Variants in JAK2 observed in about 807,000 individuals in gnomAD.
JAK2 encodes the protein Janus kinase 2, also known as tyrosine-protein kinase JAK2.
Under a neutral mutation model 139.3 loss-of-function variants are expected in JAK2, and 86 were observed. That is an observed-to-expected ratio of 0.62 (90% confidence interval 0.52 to 0.74). JAK2 has a LOEUF of 0.74. Among genes scored for constraint, JAK2 ranks in the 30% least tolerant of loss-of-function variants. The probability of loss-of-function intolerance (pLI) is 0.00; values close to 1 mark genes in which losing one functional copy is unlikely to be tolerated. For synonymous variants in JAK2, 490 were observed against 437.7 expected, an observed-to-expected ratio of 1.12 and a Z score of -1.49; for missense variants, 1,421 against 1,360.3, an observed-to-expected ratio of 1.04 and a Z score of -0.70.
At chr9:5,021,733 C>T (rs572733836) in intron 2 of JAK2, among the ~76,000 whole-genome samples, 66 of 152,290 alleles carry the variant, frequency 4.3e-4, no homozygotes, top group Non-Finnish European at 8.5e-4. Context: ...TCAAGCAATT[C>T]TTCCGCTCCA....
chr9:5,126,740 T>G lies in JAK2; in HGVS notation c.3348T>G (p.Phe1116Leu). The G allele has an allele frequency of 1.9e-6, 3 of 1,611,164 alleles. No individual in the cohort carries two copies. Among genetic ancestry groups the G allele is most frequent in the Non-Finnish European group, 2.5e-6 (3 of 1,177,808 alleles). The change falls in exon 25 of 25, where the codon TTT becomes TTG. Residue 1116 changes from phenylalanine (F) to leucine (L), a missense_variant. Coordinates refer to ENST00000381652, the MANE Select transcript of JAK2 (RefSeq NM_004972.4). ...WNNNVNQRPS[F>L]RDLALRVDQI... ...ATAATGTAAATCAACGCCCCTCCTT[T>G]AGGGATCTAGCTCTTCGAGTGGATC...
chr9:5,114,771 A>C, intron 22 of JAK2: 1 of 325,892 alleles, frequency 3.1e-6, no homozygotes, highest in South Asian at 2.7e-5. Context: ...TGGCTCACAG[A>C]CCGTCAAGTA....
chr9:5,041,343 C>T (rs1816492926), intron 4 of JAK2: 1 of 657,242 alleles, frequency 1.5e-6, no homozygotes, highest in African/African-American at 1.8e-5. Context: ...TTGACAGGTA[C>T]GGCGTGCTAC....
intron 19 of JAK2, chr9:5,086,239 G>A (rs1009522143): frequency 6.9e-6 from 4 of 582,796 alleles, no homozygotes; most frequent in African/African-American, 4.0e-5. Flanking sequence ...TCTGAAAGTC[G>A]CGGTAGGATG....
rs546639720 is a variant in JAK2 at position 5,027,109 on chromosome 9, C to T, written c.227-2674C>T. On this transcript the variant is annotated intron_variant, in intron 3 of 24. Transcript: ENST00000381652. The stretch of plus-strand genomic sequence containing the variant: ...GTTCAGGGAAACTTGAAAATTTGAA[C>T]CAACCTTTCTATAGAGGACAACTGA... Among the ~76,000 whole-genome samples the T allele has an allele frequency of 1.5e-3, 222 of 152,250 alleles. 2 individuals carry two copies. Among genetic ancestry groups the T allele is most frequent in the South Asian group, 3.9e-3 (19 of 4,822 alleles).
intron 2 of JAK2, among the ~76,000 whole-genome samples, chr9:5,014,513 C>G: frequency 6.6e-6 from 1 of 152,114 alleles, no homozygotes; most frequent in East Asian, 1.9e-4. Flanking sequence ...AAATCATAAT[C>G]TAATCTATGG....
At position 5,069,146 on chromosome 9, in the gene JAK2, A is replaced by C. The variant is rs750433642; in HGVS notation, c.1451A>C (p.Glu484Ala). ...LKDLLNCYQM[E>A]TVRSDNIIFQ... ...GATCTTTTGAATTGTTACCAGATGG[A>C]AACTGTTCGCTCAGACAATATAATT... Residue 484 changes from glutamate to alanine, a missense_variant, in exon 11 of 25, where the codon GAA (glutamate) becomes GCA (alanine). Coordinates refer to ENST00000381652, the MANE Select transcript of JAK2 (RefSeq NM_004972.4). 6.2e-7 allele frequency: 1 copy of C among 1,613,338 alleles called. No homozygotes were observed. The highest frequency in any genetic ancestry group is 8.5e-7 in the Non-Finnish European group (1 of 1,179,524).
chr9:5,090,019 C>T (rs1563993933), intron 20 of JAK2, among the ~76,000 whole-genome samples, 156 bp downstream of exon 20: 1 of 152,186 alleles, frequency 6.6e-6, no homozygotes, highest in East Asian at 1.9e-4. Context: ...TGATCATAGA[C>T]TATAACTATA....
chr9:5,067,947 A>G (rs1221414133), intron 10 of JAK2, among the ~76,000 whole-genome samples: 1 of 152,122 alleles, frequency 6.6e-6, no homozygotes, highest in African/African-American at 2.4e-5. Context: ...AGGTCAAGAG[A>G]TTGAGACCAT....
chr9:5,081,982 G>C, intron 19 of JAK2, 121 bp downstream of exon 19: 1 of 813,830 alleles, frequency 1.2e-6, no homozygotes, highest in Non-Finnish European at 2.0e-6. Context: ...AAAAAGGTTT[G>C]GTTGTCAGAT....
At chr9:5,051,248 A>C (rs1483389013) in intron 6 of JAK2, among the ~76,000 whole-genome samples, 1 of 152,220 alleles carries the variant, frequency 6.6e-6, no homozygotes, top group Non-Finnish European at 1.5e-5. Context: ...AGGAAATATC[A>C]TAGGTATTAA....
intron 2 of JAK2, among the ~76,000 whole-genome samples, chr9:4,992,212 T>G (rs1053915391): frequency 2.0e-5 from 3 of 152,214 alleles, no homozygotes; most frequent in Non-Finnish European, 2.9e-5. Flanking sequence ...AGCTGGGCTG[T>G]TAACTGGAGC....
chr9:5,029,723 G>T, intron 3 of JAK2, 60 bp from the exon 4 acceptor site: 1 of 1,407,628 alleles, frequency 7.1e-7, no homozygotes, highest in South Asian at 1.4e-5. Flanking sequence ...AATTATAGGT[G>T]CTATGTAAAA....
intron 2 of JAK2, among the ~76,000 whole-genome samples, chr9:4,996,928 C>CTTTTTTTTTTTTTTTTTT (rs1166992356): frequency 5.3e-5 from 5 of 94,660 alleles, no homozygotes; most frequent in Admixed American, 1.1e-4. Flanking sequence ...TTAGTTTGTT[C>CTTTTTTTTTTTTTTTTTT]TTTTTTTTTT....
chr9:5,055,687 G>T lies in JAK2; in HGVS notation c.955G>T (p.Asp319Tyr). The T allele has an allele frequency of 6.3e-7, 1 of 1,578,326 alleles. No homozygotes were observed. Among genetic ancestry groups the T allele is most frequent in the South Asian group, 1.1e-5 (1 of 89,164 alleles). The change falls in exon 8 of 25, where the codon GAT becomes TAT. Residue 319 changes from aspartate to tyrosine, a missense_variant. Asp to Tyr is a radical substitution (Grantham distance 160). Coordinates refer to ENST00000381652, the MANE Select transcript of JAK2 (RefSeq NM_004972.4). ...ATTATAGGATTTACAGTTATATTGCGATTTTCCTAATATTATTGATGTCAG... is the reference window on the plus strand; with the variant it reads ...ATTATAGGATTTACAGTTATATTGCTATTTTCCTAATATTATTGATGTCAG... Reference protein sequence around the residue: ...LTEQDLQLYCDFPNIIDVSIK... With the variant: ...LTEQDLQLYCYFPNIIDVSIK...
At chr9:5,063,449 G>A (rs1818331692) in intron 8 of JAK2, among the ~76,000 whole-genome samples, 1 of 152,098 alleles carries the variant, frequency 6.6e-6, no homozygotes. Context: ...TTTGTCAGCT[G>A]TAATTTTTGG....
At chr9:5,000,659 G>A (rs1470306557) in intron 2 of JAK2, among the ~76,000 whole-genome samples, 1 of 151,898 alleles carries the variant, frequency 6.6e-6, no homozygotes, top group Non-Finnish European at 1.5e-5. Context: ...TTCCCTATAT[G>A]CTCAAAACAT....
intron 20 of JAK2, among the ~76,000 whole-genome samples, chr9:5,090,229 A>C (rs976898648): frequency 1.3e-5 from 2 of 152,230 alleles, no homozygotes; most frequent in Non-Finnish European, 2.9e-5. Context: ...GAGTTATAGA[A>C]AACTGAAACG....
chr9:5,074,982 AAC>A (rs367692331), intron 14 of JAK2, among the ~76,000 whole-genome samples: 12 of 152,324 alleles, frequency 7.9e-5, no homozygotes, highest in South Asian at 4.1e-4. Flanking sequence ...AAGAAAGTGA[AAC>A]AGTCTTATTG....
Sources: gnomAD v4.1 joint callset for allele counts (sites outside exome capture counted in the v4.1 genomes callset) on GRCh38, gnomAD v4.1.1 for gene constraint, MANE v1.5 for transcripts, NCBI Gene and HGNC (gene_info 2026-07-23, HGNC 2026-07-21) for gene names.